The following ADAMTSL1 variants were observed in gnomAD, a reference collection of about 807,000 sequenced individuals.
ADAMTSL1 encodes the protein ADAMTS-like protein 1.
A neutral mutation model predicts 201.8 loss-of-function variants in ADAMTSL1; 126 were observed. That is an observed-to-expected ratio of 0.62 (90% CI 0.54 to 0.72). ADAMTSL1 has a LOEUF of 0.72. ADAMTSL1 is among the 30% of genes least tolerant of loss of function. The pLI is 0.00. For missense variants in ADAMTSL1, 2,679 were observed against 2,277.8 expected, an observed-to-expected ratio of 1.18 and a Z score of -3.59; for synonymous variants, 1,121 against 903.4, an observed-to-expected ratio of 1.24 and a Z score of -4.32.
At chr9:18,882,656 G>C (rs111728510) in intron 23 of ADAMTSL1, among the ~76,000 whole-genome samples, 1 of 152,076 alleles carries the variant, frequency 6.6e-6, no homozygotes, top group Non-Finnish European at 1.5e-5. Context: ...CCTAGATGCC[G>C]CCAGGAGCTT....
At chr9:18,540,148 T>G (rs1820035536) in intron 3 of ADAMTSL1, among the ~76,000 whole-genome samples, 1 of 151,964 alleles carries the variant, frequency 6.6e-6, no homozygotes. Flanking sequence ...GGAAGTAGAG[T>G]CAACAATATC....
At chr9:18,534,495 C>T (rs145423010) in intron 3 of ADAMTSL1, among the ~76,000 whole-genome samples, 184 of 152,270 alleles carry the variant, frequency 1.2e-3, no homozygotes, top group Non-Finnish European at 2.4e-3. Context: ...TAAGTTGAAG[C>T]GGGAATAAAG....
At chr9:18,314,741 G>T (rs1273150835) in intron 2 of ADAMTSL1, among the ~76,000 whole-genome samples, 1 of 148,556 alleles carries the variant, frequency 6.7e-6, no homozygotes, top group African/African-American at 2.5e-5. Flanking sequence ...CAGCGTGGAA[G>T]GGGACCCCAG....
At chr9:18,706,702 C>G in intron 13 of ADAMTSL1, 45 bp from the exon 14 acceptor site, 3 of 1,524,094 alleles carry the variant, frequency 2.0e-6, no homozygotes, top group Non-Finnish European at 2.6e-6. Flanking sequence ...TGGCTTCCTG[C>G]CTGGGGCTTC....
intron 2 of ADAMTSL1, among the ~76,000 whole-genome samples, chr9:18,435,682 A>G (rs1226831040): frequency 6.6e-6 from 1 of 152,170 alleles, no homozygotes; most frequent in African/African-American, 2.4e-5. Context: ...CATTTTCACA[A>G]TGCTGATAAA....
chr9:18,451,987 C>T (rs778415048), intron 2 of ADAMTSL1, among the ~76,000 whole-genome samples: 1 of 152,162 alleles, frequency 6.6e-6, no homozygotes, highest in African/African-American at 2.4e-5. Flanking sequence ...CTCAGCTCAC[C>T]ACAACCTCTG....
intron 15 of ADAMTSL1, among the ~76,000 whole-genome samples, chr9:18,731,459 TG>T (rs2133483134): frequency 6.6e-6 from 1 of 151,896 alleles, no homozygotes; most frequent in South Asian, 2.1e-4. Context: ...TGTGAAACCC[TG>T]TCTCTACAAA....
intron 1 of ADAMTSL1, among the ~76,000 whole-genome samples, chr9:17,985,564 T>C (rs1818890646): frequency 6.6e-6 from 1 of 151,930 alleles, no homozygotes; most frequent in Non-Finnish European, 1.5e-5. Context: ...AAGGAGGAAA[T>C]TGGTTGACTG....
intron 1 of ADAMTSL1, among the ~76,000 whole-genome samples, chr9:18,021,772 C>T (rs920398631): frequency 6.6e-6 from 1 of 152,074 alleles, no homozygotes; most frequent in Non-Finnish European, 1.5e-5. Context: ...TTTATATACT[C>T]TTTTAAGCTT....
chr9:18,370,280 C>CA (rs777805758), intron 2 of ADAMTSL1, among the ~76,000 whole-genome samples: 2,510 of 126,882 alleles, frequency 0.02, 24 homozygotes, highest in Admixed American at 0.025. Context: ...GACTCCATCT[C>CA]AAAAAAAAAA....
chr9:18,197,950 G>A (rs1386348912), intron 2 of ADAMTSL1, among the ~76,000 whole-genome samples: 1 of 152,030 alleles, frequency 6.6e-6, no homozygotes, highest in Non-Finnish European at 1.5e-5. Context: ...CAGAAATAAT[G>A]CCGCATATCT....
intron 26 of ADAMTSL1, among the ~76,000 whole-genome samples, chr9:18,896,747 G>A (rs1270901117): frequency 2.0e-5 from 3 of 152,166 alleles, no homozygotes; most frequent in African/African-American, 4.8e-5. Flanking sequence ...ATCCCCTAGT[G>A]AGCCAATGCA....
intron 20 of ADAMTSL1, among the ~76,000 whole-genome samples, chr9:18,815,674 C>G (rs1823794032): frequency 6.8e-6 from 1 of 147,444 alleles, no homozygotes; most frequent in African/African-American, 2.5e-5. Context: ...CACCACTGCC[C>G]TCCAGCCTGG....
At chr9:18,258,834 CT>C (rs1831800145) in intron 2 of ADAMTSL1, among the ~76,000 whole-genome samples, 1 of 152,184 alleles carries the variant, frequency 6.6e-6, no homozygotes, top group East Asian at 1.9e-4. Context: ...TCTACACATC[CT>C]TAATTTTATT....
chr9:18,359,835 G>GCCC lies in ADAMTSL1; in HGVS notation c.208-144993_208-144991dup, dbSNP rs970903728. ...GCCCCACCTCCCCACCCGCCCCCCC[G>GCCC]CCCACACAAAATGCCCCACCCCTGC... On this transcript the variant is annotated intron_variant, in intron 2 of 29. Coordinates refer to the ADAMTSL1 transcript ENST00000680146. 8.8e-5 allele frequency among the ~76,000 whole-genome samples: 6 copies of GCCC among 67,952 alleles called. 1 individual carries two copies. In the East Asian group the frequency reaches 2.9e-3, roughly 33 times the overall value. 44.6% of individuals were successfully genotyped at this position (67,952 alleles called of 152,430 possible).
chr9:18,499,450 T>C (rs1412153315), intron 1 of ADAMTSL1, among the ~76,000 whole-genome samples: 2 of 152,178 alleles, frequency 1.3e-5, no homozygotes, highest in Non-Finnish European at 2.9e-5. Flanking sequence ...TATAGAGACC[T>C]GATGTGGGTA....
chr9:18,874,863 C>G (rs530636812), intron 23 of ADAMTSL1, among the ~76,000 whole-genome samples: 5 of 152,104 alleles, frequency 3.3e-5, no homozygotes, highest in Non-Finnish European at 7.4e-5. Flanking sequence ...CTTTGAATGT[C>G]TGATACAATT....
At chr9:18,556,018 G>C (rs1486777324) in intron 3 of ADAMTSL1, among the ~76,000 whole-genome samples, 2 of 151,458 alleles carry the variant, frequency 1.3e-5, no homozygotes, top group Non-Finnish European at 3.0e-5. Flanking sequence ...TATAAAAAAA[G>C]AAAGAAGAAA....
intron 2 of ADAMTSL1, among the ~76,000 whole-genome samples, chr9:18,248,774 A>C (rs1381503335): frequency 1.3e-5 from 2 of 151,990 alleles, no homozygotes; most frequent in Non-Finnish European, 2.9e-5. Flanking sequence ...ATTCCGATTC[A>C]CTCTCTGACT....
Sources: allele counts gnomAD v4.1 joint callset (sites outside exome capture counted in the v4.1 genomes callset), GRCh38; gene constraint gnomAD v4.1.1; transcripts MANE v1.5; gene names NCBI Gene and HGNC (gene_info 2026-07-23, HGNC 2026-07-21).